Variants in MRPS22 observed in about 807,000 individuals in gnomAD.
MRPS22 encodes mitochondrial ribosomal protein S22.
A neutral mutation model predicts 44.0 loss-of-function variants in MRPS22; 30 were observed. That is an observed-to-expected ratio of 0.68 (90% CI 0.51 to 0.93). The LOEUF is 0.93. Ranked by LOEUF, MRPS22 falls within the 40% of genes least tolerant of loss-of-function variation. The pLI is 0.00. For synonymous variants in MRPS22, 165 were observed against 154.4 expected (o/e 1.07, Z -0.51); for missense variants, 447 against 447.8 (o/e 1.00, Z 0.02).
chr3:139,350,912 G>GA (rs1941138606), intron 4 of MRPS22, 65 bp from the exon 5 acceptor site: 2 of 1,319,876 alleles, frequency 1.5e-6, no homozygotes, highest in Non-Finnish European at 2.2e-6. Flanking sequence ...GGCCTGTCAT[G>GA]ACATCAGGAC....
At chr3:139,355,607 T>C in intron 6 of MRPS22, 75 bp from the exon 7 acceptor site, 2 of 1,176,570 alleles carry the variant, frequency 1.7e-6, no homozygotes, top group Non-Finnish European at 2.5e-6. Context: ...TAGTTTGAAG[T>C]TGGCACACAC....
chr3:139,348,232 A>G lies in MRPS22; in HGVS notation c.412A>G (p.Ile138Val). The change falls in exon 3 of 8, where the codon ATA becomes GTA. Residue 138 changes from isoleucine to valine, a missense_variant. Physicochemically the swap from Ile to Val is conservative, Grantham distance 29. Transcript: ENST00000680020. ...ACCAGTTCTGGAAGAGCGAGTACCA[A>G]TAAATGATGTGTTAGCTGAAGATAA... ...MPPVLEERVP[I>V]NDVLAEDKIL... The G allele has an allele frequency of 1.2e-6, 2 of 1,614,182 alleles. No individual in the cohort carries two copies. Among genetic ancestry groups the G allele is most frequent in the Non-Finnish European group, 1.7e-6 (2 of 1,179,998 alleles).
intron 5 of MRPS22, 110 bp from the exon 6 acceptor site, chr3:139,352,537 A>C (rs865833631): frequency 5.4e-6 from 5 of 927,098 alleles, no homozygotes; most frequent in South Asian, 1.3e-5. Context: ...AACTGTAAGT[A>C]GACCTGGTTT....
rs775354826 is a variant in MRPS22, at chr3:139,352,793, G to C, written c.878+1G>C. On this transcript the variant is annotated splice_donor_variant, in intron 6 of 7. Transcript: ENST00000680020. LOFTEE classifies it high-confidence loss of function. ...TGATTGACCAGATTCAGAGAGATTT[G>C]TAAGTATGATCTTAGTAAGTGAAAG... The C allele has an allele frequency of 1.2e-6, 2 of 1,612,674 alleles. No homozygotes were observed.
chr3:139,355,526 T>C, intron 6 of MRPS22, 156 bp from the exon 7 acceptor site: 1 of 695,498 alleles, frequency 1.4e-6, no homozygotes, highest in South Asian at 1.7e-5. Flanking sequence ...TTCCTGAAAA[T>C]GCTTTTGAAA....
intron 3 of MRPS22, chr3:139,349,458 T>G (rs1397234512): frequency 3.2e-6 from 1 of 308,574 alleles, no homozygotes; most frequent in African/African-American, 2.3e-5. Flanking sequence ...ATCAGCAATG[T>G]GCAAAGCTCC....
intron 4 of MRPS22, chr3:139,350,579 C>T (rs1350766377): frequency 1.1e-5 from 5 of 469,696 alleles, no homozygotes; most frequent in Non-Finnish European, 1.9e-5. Context: ...AGGCGCCCGC[C>T]ACCACGCTTG....
intron 5 of MRPS22, chr3:139,352,434 A>G (rs1198551748): frequency 1.0e-5 from 5 of 497,254 alleles, no homozygotes; most frequent in Non-Finnish European, 1.8e-5. Flanking sequence ...GTGCCTGGCC[A>G]AAATTCTTTC....
chr3:139,346,816 A>G (rs1431036267), intron 1 of MRPS22, 62 bp from the exon 2 acceptor site: 6 of 1,570,756 alleles, frequency 3.8e-6, no homozygotes, highest in Middle Eastern at 1.7e-4. Flanking sequence ...TGACTTTTCT[A>G]TTTAGAGGTC....
At chr3:139,351,203 G>T in intron 5 of MRPS22, 143 bp downstream of exon 5, 1 of 674,754 alleles carries the variant, frequency 1.5e-6, no homozygotes, top group East Asian at 2.8e-5. Flanking sequence ...GTACAGTTGT[G>T]TGCCAGATAT....
At chr3:139,354,775 C>T (rs755851189) in intron 6 of MRPS22, among the ~76,000 whole-genome samples, 1 of 152,104 alleles carries the variant, frequency 6.6e-6, no homozygotes, top group African/African-American at 2.4e-5. Flanking sequence ...ATTAGGGTGT[C>T]CTCAGCCCTC....
intron 7 of MRPS22, 86 bp downstream of exon 7, chr3:139,355,876 A>G (rs1941245262): frequency 1.1e-6 from 1 of 944,238 alleles, no homozygotes; most frequent in Non-Finnish European, 1.7e-6. Flanking sequence ...AATGGTAACT[A>G]AACAGATTTG....
At chr3:139,356,221 G>A (rs928203679) in intron 7 of MRPS22, among the ~76,000 whole-genome samples, 2 of 152,186 alleles carry the variant, frequency 1.3e-5, no homozygotes, top group African/African-American at 4.8e-5. Context: ...TCAAGAAGTG[G>A]AGAGTGTGAT....
chr3:139,344,266 G>T, intron 1 of MRPS22, 68 bp downstream of exon 1: 1 of 1,513,562 alleles, frequency 6.6e-7, no homozygotes, highest in Non-Finnish European at 8.9e-7. Context: ...TCTGGCAGGC[G>T]AAAACCACGC....
intron 6 of MRPS22, 36 bp from the exon 7 acceptor site, chr3:139,355,646 A>C: frequency 6.6e-7 from 1 of 1,521,642 alleles, no homozygotes; most frequent in Non-Finnish European, 9.1e-7. Context: ...CAAATGAAGA[A>C]AACCCCTAGA....
intron 6 of MRPS22, 134 bp downstream of exon 6, chr3:139,352,926 CT>C: frequency 1.0e-6 from 1 of 976,028 alleles, no homozygotes; most frequent in Non-Finnish European, 1.5e-6. Flanking sequence ...TGGATTTGTT[CT>C]TTTAGTATAA....
At chr3:139,355,032 T>G (rs1941217639) in intron 6 of MRPS22, among the ~76,000 whole-genome samples, 1 of 152,204 alleles carries the variant, frequency 6.6e-6, no homozygotes, top group Admixed American at 6.5e-5. Flanking sequence ...GTCTTCTTCA[T>G]AGGTAGTTGT....
At chr3:139,354,591 G>A (rs1941210182) in intron 6 of MRPS22, among the ~76,000 whole-genome samples, 2 of 152,096 alleles carry the variant, frequency 1.3e-5, no homozygotes. Context: ...CTGTTTTCCT[G>A]AGAGATGGCC....
chr3:139,344,281 G>T, intron 1 of MRPS22, 83 bp downstream of exon 1: 1 of 1,427,612 alleles, frequency 7.0e-7, no homozygotes. Context: ...CCACGCGATA[G>T]CCCCCGCGAC....
Sources: allele counts gnomAD v4.1 joint callset (sites outside exome capture counted in the v4.1 genomes callset), GRCh38; gene constraint gnomAD v4.1.1; transcripts MANE v1.5; gene names NCBI Gene and HGNC (gene_info 2026-07-23, HGNC 2026-07-21).